Variants in PLA1A observed in about 807,000 individuals in gnomAD.
PLA1A encodes phospholipase A1 member A, also known as phosphatidylserine-specific phospholipase A1alpha.
In PLA1A, 47 loss-of-function variants were observed where a neutral mutation model predicts 49.4. The observed-to-expected ratio is 0.95, with a 90% CI of 0.75 to 1.21. The LOEUF (loss-of-function observed/expected upper bound fraction) is 1.21, where lower values mean the gene tolerates loss of function less well. Among genes scored for constraint, PLA1A ranks in the 50% most tolerant of loss-of-function variants. The pLI is 0.00. For synonymous variants in PLA1A, 224 were observed against 207.9 expected (o/e 1.08, Z -0.67); for missense variants, 561 against 563.9 (o/e 0.99, Z 0.05).
intron 4 of PLA1A, among the ~76,000 whole-genome samples, chr3:119,612,176 T>C (rs111624685): frequency 0.028 from 4,209 of 152,296 alleles, 200 homozygotes; most frequent in African/African-American, 0.096. Context: ...ACTACTATTT[T>C]CCTTTATTCT....
Position 119,619,622 on chromosome 3 carries a change from C to T in PLA1A, c.982C>T (p.Leu328Phe). 3 of 1,612,628 alleles carry T rather than the reference C, an allele frequency of 1.9e-6. No homozygotes were observed. The highest frequency in any genetic ancestry group is 2.5e-6 in the Non-Finnish European group (3 of 1,178,600). The stretch of plus-strand genomic sequence containing the variant: ...GCTCCCCAAGGAAGTGAAAGTCTAC[C>T]TCCTGACTACTTCCAGTGCTCCGTA... ...EPLPKEVKVYLLTTSSAPYCM... is the reference protein window; with the variant it reads ...EPLPKEVKVYFLTTSSAPYCM... Residue 328 changes from leucine to phenylalanine, a missense_variant, in exon 8 of 11, where the codon CTC becomes TTC. By Grantham distance (22) the Leu-to-Phe change is conservative. Coordinates refer to ENST00000273371, the MANE Select transcript of PLA1A (RefSeq NM_015900.4).
In PLA1A at chr3:119,597,959, ATTTT is replaced by A. The variant is rs2082563675; in HGVS notation, c.47_50del (p.Ile16SerfsTer50). On this transcript the variant is annotated frameshift_variant, in exon 1 of 11. Transcript: ENST00000273371. LOFTEE classifies it high-confidence loss of function. ...GAGCTGCTTCTGGGTGGGGGGCCTC[ATTTT>A]GTGGCTCAGCGTTGGAAGTTCAGGT... 2 of 1,610,144 alleles carry A rather than the reference ATTTT, an allele frequency of 1.2e-6. No homozygotes were observed. Among genetic ancestry groups the A allele is most frequent in the African/African-American group, 2.7e-5 (2 of 74,784 alleles).
At chr3:119,599,825 C>T (rs140191001) in intron 1 of PLA1A, among the ~76,000 whole-genome samples, 17 of 152,290 alleles carry the variant, frequency 1.1e-4, no homozygotes, top group East Asian at 3.9e-4. Flanking sequence ...ATTTCCCATC[C>T]GCTTCTCTTC....
At chr3:119,617,652 A>G (rs1027785088) in intron 6 of PLA1A, among the ~76,000 whole-genome samples, 1 of 152,024 alleles carries the variant, frequency 6.6e-6, no homozygotes, top group African/African-American at 2.4e-5. Flanking sequence ...CTGAGGCAGG[A>G]AAATTGCTTA....
At position 119,608,866 on chromosome 3, in the gene PLA1A, G is replaced by A. The variant is rs371605005; in HGVS notation, c.372G>A (p.Gly124=). 1 of 1,613,690 alleles carries A rather than the reference G, an allele frequency of 6.2e-7. No individual in the cohort carries two copies. ...TGATTGCCGTGGACTGGATTTATGG[G>A]TCTACAGGAGTCTACTTCTCAGCTG... ...ANVIAVDWIY[G]STGVYFSAVK... The change falls in exon 3 of 11, where the codon GGG becomes GGA. Residue 124 remains glycine (G), a synonymous_variant. Coordinates refer to ENST00000273371, the MANE Select transcript of PLA1A (RefSeq NM_015900.4).
At chr3:119,599,125 C>A (rs115469553) in intron 1 of PLA1A, among the ~76,000 whole-genome samples, 2 of 152,112 alleles carry the variant, frequency 1.3e-5, no homozygotes, top group African/African-American at 2.4e-5. Flanking sequence ...TCGGGCTAAC[C>A]CAGACTGGAA....
intron 4 of PLA1A, 116 bp from the exon 5 acceptor site, chr3:119,612,901 T>G: frequency 1.6e-6 from 1 of 618,350 alleles, no homozygotes; most frequent in Non-Finnish European, 2.8e-6. Flanking sequence ...TCCCAACCCT[T>G]GGGTCTTTTC....
chr3:119,603,265 C>G (rs1411552959), intron 1 of PLA1A, among the ~76,000 whole-genome samples: 1 of 152,116 alleles, frequency 6.6e-6, no homozygotes, highest in Non-Finnish European at 1.5e-5. Context: ...ATGGCAGTGG[C>G]TGTGAGAGAT....
chr3:119,610,485 CTATT>C (rs1197252891), intron 4 of PLA1A, among the ~76,000 whole-genome samples: 2 of 152,210 alleles, frequency 1.3e-5, no homozygotes, highest in East Asian at 1.9e-4. Flanking sequence ...TTGCCAACAT[CTATT>C]TATTTATTTT....
At chr3:119,616,141 A>T (rs761731145) in intron 6 of PLA1A, 40 bp downstream of exon 6, 8 of 1,239,528 alleles carry the variant, frequency 6.5e-6, no homozygotes, top group Admixed American at 1.7e-5. Context: ...GCAACCCCGG[A>T]GATTGAAATT....
chr3:119,626,261 C>T (rs1233378757), intron 9 of PLA1A, among the ~76,000 whole-genome samples: 3 of 152,222 alleles, frequency 2.0e-5, no homozygotes, highest in Admixed American at 6.5e-5. Context: ...CCTGAGCATG[C>T]TTCCACTGGG....
chr3:119,616,738 A>G (rs926260065), intron 6 of PLA1A, among the ~76,000 whole-genome samples: 7 of 152,258 alleles, frequency 4.6e-5, no homozygotes, highest in African/African-American at 1.7e-4. Flanking sequence ...TTGAATAACT[A>G]CTGATCTATT....
Position 119,625,107 on chromosome 3 carries a change from G to A in PLA1A, c.1013-17G>A. Reference sequence around the variant, plus strand: ...TTCTGCCCTCTGGCCAGTCTCTGTTGTGCTTTGGTTTCCTAGTGCATCACA... The same window carrying A: ...TTCTGCCCTCTGGCCAGTCTCTGTTATGCTTTGGTTTCCTAGTGCATCACA... On this transcript the variant is annotated splice_polypyrimidine_tract_variant and intron_variant, in intron 8 of 10. Coordinates refer to ENST00000273371, the MANE Select transcript of PLA1A (RefSeq NM_015900.4). 2 of 1,541,696 alleles carry A rather than the reference G, an allele frequency of 1.3e-6. No homozygotes were observed. The highest frequency in any genetic ancestry group is 1.8e-6 in the Non-Finnish European group (2 of 1,114,150).
chr3:119,612,290 G>A (rs112535146), intron 4 of PLA1A, among the ~76,000 whole-genome samples: 4,206 of 152,236 alleles, frequency 0.028, 202 homozygotes, highest in African/African-American at 0.096. Flanking sequence ...GAAGGGAAGG[G>A]ATCCAAACTG....
At chr3:119,622,778 TAA>T (rs35239845) in intron 8 of PLA1A, among the ~76,000 whole-genome samples, 5 of 149,006 alleles carry the variant, frequency 3.4e-5, no homozygotes, top group Admixed American at 2.0e-4. Context: ...TACCCCTTAG[TAA>T]AAAAAAAAAG....
chr3:119,608,201 G>GA (rs869256691), intron 2 of PLA1A, among the ~76,000 whole-genome samples: 1 of 48,258 alleles, frequency 2.1e-5, no homozygotes, highest in Non-Finnish European at 3.8e-5. Flanking sequence ...AGAAAGGAAA[G>GA]AAAAGAAAGA....
intron 8 of PLA1A, among the ~76,000 whole-genome samples, chr3:119,622,988 T>G (rs12631598): frequency 0.51 from 76,994 of 151,094 alleles, 20,052 homozygotes; most frequent in East Asian, 0.88. Context: ...CACCACACCC[T>G]GCTAATTTTT....
intron 1 of PLA1A, chr3:119,600,294 A>C (rs2082600204): frequency 1.5e-6 from 1 of 683,738 alleles, no homozygotes; most frequent in Non-Finnish European, 2.6e-6. Context: ...TTTTCCTTGG[A>C]CTGTGGAGCT....
In PLA1A at chr3:119,616,186, G is replaced by A. The variant is rs2082846696; in HGVS notation, c.754+85G>A. 6.3e-6 allele frequency: 5 copies of A among 791,124 alleles called. No individual in the cohort carries two copies. The East Asian group carries it at 1.3e-4, about 20-fold the overall frequency. The allele number at this position is 791,124 out of a possible 1,614,324, so 49.0% of individuals were successfully genotyped here. A position where few individuals can be genotyped will look rare whatever the true frequency, so the allele number is the denominator to read the frequency against. ...CTTTTGTGTTGAGTCAGCCAGAGTG[G>A]GCCATAGAGGGTCTACTTGACAGTG... On this transcript the variant is annotated intron_variant, in intron 6 of 10. Transcript: ENST00000273371.
Sources: gnomAD v4.1 joint callset for allele counts (sites outside exome capture counted in the v4.1 genomes callset) on GRCh38, gnomAD v4.1.1 for gene constraint, MANE v1.5 for transcripts, NCBI Gene and HGNC (gene_info 2026-07-23, HGNC 2026-07-21) for gene names.